CELF2: variants seen among roughly 807,000 people sequenced by gnomAD.
CELF2 encodes CUG triplet repeat RNA-binding protein 2.
CELF2 carries 8 observed loss-of-function variants against 62.6 expected under a neutral mutation model. That is an observed-to-expected ratio of 0.13 (90% CI 0.07 to 0.23). CELF2 has a LOEUF of 0.23. Among genes scored for constraint, CELF2 ranks in the 10% least tolerant of loss-of-function variants. The pLI, the probability that CELF2 is intolerant of heterozygous loss-of-function variation, is 1.00. For synonymous variants in CELF2, 258 were observed against 250.0 expected (o/e 1.03, Z -0.30); for missense variants, 333 against 671.0 (o/e 0.50, Z 5.56).
intron 2 of CELF2, among the ~76,000 whole-genome samples, chr10:10,950,233 A>G (rs2048169923): frequency 6.6e-6 from 1 of 152,160 alleles, no homozygotes; most frequent in African/African-American, 2.4e-5. Flanking sequence ...TGGAGTTGCT[A>G]GAACCCCAGA....
chr10:11,202,138 G>A (rs1369637889), intron 2 of CELF2, among the ~76,000 whole-genome samples: 1 of 152,052 alleles, frequency 6.6e-6, no homozygotes, highest in Non-Finnish European at 1.5e-5. Flanking sequence ...TTTGACAGAT[G>A]GTGATTCTAT....
chr10:11,049,466 G>T (rs146575117), intron 1 of CELF2, among the ~76,000 whole-genome samples: 1 of 144,450 alleles, frequency 6.9e-6, no homozygotes, highest in Non-Finnish European at 1.5e-5. Context: ...GGTCAAGGAC[G>T]TAGTCTGTGA....
At chr10:10,708,138 G>A in the CELF2 span, among the ~76,000 whole-genome samples, 6 of 152,160 alleles carry the variant, frequency 3.9e-5, no homozygotes, top group East Asian at 7.7e-4. Context: ...TTCAAAGGGC[G>A]TAAAAGAAAA....
intron 2 of CELF2, among the ~76,000 whole-genome samples, chr10:10,994,681 T>A (rs2053768653): frequency 6.6e-6 from 1 of 152,204 alleles, no homozygotes; most frequent in South Asian, 2.1e-4. Flanking sequence ...TAATGCCTGA[T>A]GATCTGAGGT....
At chr10:10,740,305 A>G in the CELF2 span, among the ~76,000 whole-genome samples, 4 of 152,064 alleles carry the variant, frequency 2.6e-5, no homozygotes, top group African/African-American at 4.8e-5. Flanking sequence ...TGCATAAGGT[A>G]TAAGATAAAG....
intron 1 of CELF2, among the ~76,000 whole-genome samples, chr10:11,097,585 C>A (rs555564811): frequency 7.2e-5 from 11 of 152,304 alleles, no homozygotes; most frequent in African/African-American, 2.6e-4. Context: ...TGCTCCGGTT[C>A]AATAGTGGGT....
rs543579479 is a variant in CELF2, at chr10:11,194,786, G to A, written c.272-22639G>A. Among the ~76,000 whole-genome samples the A allele has an allele frequency of 3.9e-5, 6 of 152,370 alleles. No homozygotes were observed. The East Asian group carries it at 1.2e-3, about 29-fold the overall frequency. ...GTGACATTGCTTGCGAATGCTCACA[G>A]TAGCACTTAACATTGTGAAGTTCAA... On this transcript the variant is annotated intron_variant, in intron 2 of 12. Transcript: ENST00000633077.
intron 2 of CELF2, chr10:10,920,079 G>T (rs964873687): frequency 1.1e-5 from 11 of 1,029,562 alleles, no homozygotes; most frequent in Non-Finnish European, 1.4e-5. Context: ...TCTTCTGTAA[G>T]AGGTCTTCTC....
intron 1 of CELF2, among the ~76,000 whole-genome samples, chr10:11,072,968 TC>T (rs1240046612): frequency 6.6e-6 from 1 of 151,926 alleles, no homozygotes; most frequent in Non-Finnish European, 1.5e-5. Context: ...TATATTAATA[TC>T]CTATTACATT....
intron 1 of CELF2, among the ~76,000 whole-genome samples, chr10:11,095,936 T>G (rs1057377945): frequency 1.3e-5 from 2 of 152,182 alleles, no homozygotes; most frequent in Non-Finnish European, 2.9e-5. Context: ...TCCTTAGAAT[T>G]TACAGTGTAA....
chr10:11,288,353 T>G (rs1294443084), intron 8 of CELF2, 65 bp from the exon 9 acceptor site: 3 of 1,585,432 alleles, frequency 1.9e-6, no homozygotes, highest in Non-Finnish European at 2.6e-6. Flanking sequence ...ATGAGCCTGC[T>G]CTTGTTTGGA....
chr10:11,170,853 C>G (rs1377136824), intron 2 of CELF2, among the ~76,000 whole-genome samples: 2 of 152,132 alleles, frequency 1.3e-5, no homozygotes, highest in Non-Finnish European at 2.9e-5. Flanking sequence ...CAAATCATAG[C>G]ACTCTGAGAA....
chr10:10,953,798 C>G (rs1419575764), intron 2 of CELF2, among the ~76,000 whole-genome samples: 1 of 143,652 alleles, frequency 7.0e-6, no homozygotes, highest in Non-Finnish European at 1.5e-5. Context: ...ATATACAGAA[C>G]AAAAACATCA....
Position 11,314,595 on chromosome 10 carries a change from G to A in CELF2, c.1096+337G>A, listed in dbSNP as rs1186546060. On this transcript the variant is annotated intron_variant, in intron 10 of 12. Transcript: ENST00000633077. This position sits in a 1 kb window ranked among gnomAD's most constrained non-coding sequence, Gnocchi z 5.3. ...TCTGTCCTGCGAGGCAGGGTGTTAC[G>A]GTGGGAAAAGTTAATGGACTGGAAG... is the stretch of plus-strand genomic sequence containing the variant. 2.7e-5 allele frequency: 10 copies of A among 367,524 alleles called. No individual in the cohort carries two copies. The East Asian group carries it at 4.2e-4, about 15-fold the overall frequency. 22.8% of individuals were successfully genotyped at this position (367,524 alleles called of 1,614,324 possible). A position where few individuals can be genotyped will look rare whatever the true frequency, so the allele number is the denominator to read the frequency against.
At chr10:10,513,020 G>A in the CELF2 span, among the ~76,000 whole-genome samples, 2,105 of 152,250 alleles carry the variant, frequency 0.014, 48 homozygotes, top group African/African-American at 0.049. Flanking sequence ...CGGTGCCATG[G>A]TGGTGGTTTT....
intron 1 of CELF2, among the ~76,000 whole-genome samples, chr10:11,078,722 T>C (rs1936718325): frequency 6.6e-6 from 1 of 152,122 alleles, no homozygotes; most frequent in African/African-American, 2.4e-5. Flanking sequence ...TTGCAGAAAA[T>C]ATAAAAGAAT....
In CELF2 at chr10:11,269,745, G is replaced by A. The variant is rs1171871096; in HGVS notation, c.619-921G>A. On this transcript the variant is annotated intron_variant, in intron 6 of 12. Transcript: ENST00000633077. This position sits in a 1 kb window ranked among gnomAD's most constrained non-coding sequence, Gnocchi z 4.4. ...AAGGTGCTTTGGAAAGGAGGTCTTCGTGCTTGGGGTGTTAGGCCCTTATTA... is the reference window on the plus strand; with the variant it reads ...AAGGTGCTTTGGAAAGGAGGTCTTCATGCTTGGGGTGTTAGGCCCTTATTA... 6.6e-6 allele frequency among the ~76,000 whole-genome samples: 1 copy of A among 152,198 alleles called. No individual in the cohort carries two copies. Among genetic ancestry groups the A allele is most frequent in the African/African-American group, 2.4e-5 (1 of 41,442 alleles).
In CELF2 at chr10:11,319,324, A is replaced by C; in HGVS notation, c.1097-1865A>C. The C allele has an allele frequency of 2.8e-6, 1 of 353,836 alleles. No homozygotes were observed. Among genetic ancestry groups the C allele is most frequent in the South Asian group, 2.1e-5 (1 of 47,510 alleles). 21.9% of individuals were successfully genotyped at this position (353,836 alleles called of 1,614,324 possible). A position where few individuals can be genotyped will look rare whatever the true frequency, so the allele number is the denominator to read the frequency against. On this transcript the variant is annotated intron_variant, in intron 10 of 12. Coordinates refer to ENST00000633077, the MANE Select transcript of CELF2 (RefSeq NM_001326342.2). This position sits in a 1 kb window ranked among gnomAD's most constrained non-coding sequence, Gnocchi z 4.4. ...CACGGAAGTTCCTTTGCATCACACA[A>C]ATAGTGGGAGGTGAGGATGAAGTAA...
In CELF2 at chr10:11,117,393, G is replaced by C. The variant is rs1056691518; in HGVS notation, c.75-48093G>C. ...AAAATGTTTTGCCCTGTAGAAATTG[G>C]TTAGGTATCATTCGAAAAAGCCAGT... On this transcript the variant is annotated intron_variant, in intron 1 of 12. Transcript: ENST00000633077. The surrounding 1 kb of genome is among the most constrained non-coding windows in gnomAD (Gnocchi z 4.1). 6.6e-6 allele frequency among the ~76,000 whole-genome samples: 1 copy of C among 152,130 alleles called. No homozygotes were observed. The highest frequency in any genetic ancestry group is 2.4e-5 in the African/African-American group (1 of 41,408).
Sources: gnomAD v4.1 joint callset for allele counts (sites outside exome capture counted in the v4.1 genomes callset) on GRCh38, gnomAD v4.1.1 for gene constraint, Gnocchi (gnomAD v3.1) non-coding constraint, MANE v1.5 for transcripts, NCBI Gene and HGNC (gene_info 2026-07-23, HGNC 2026-07-21) for gene names.